MIA2: variants seen among roughly 807,000 people sequenced by gnomAD.
MIA2 encodes melanoma inhibitory activity protein 2.
MIA2 carries 127 observed loss-of-function variants against 167.8 expected under a neutral mutation model. The observed-to-expected ratio is 0.76, with a 90% CI of 0.66 to 0.88. The LOEUF (loss-of-function observed/expected upper bound fraction) is 0.88. MIA2 is among the 40% of genes least tolerant of loss of function. The probability of loss-of-function intolerance (pLI) is 0.00; values close to 1 mark genes in which losing one functional copy is unlikely to be tolerated. For missense variants in MIA2, 1,690 were observed against 1,624.7 expected (o/e 1.04, Z -0.69); for synonymous variants, 552 against 541.9 (o/e 1.02, Z -0.26).
chr14:39,333,010 G>A (rs532703287), intron 25 of MIA2, among the ~76,000 whole-genome samples: 11 of 151,852 alleles, frequency 7.2e-5, no homozygotes, highest in African/African-American at 2.7e-4. Context: ...TTACCATTTG[G>A]TTCCTTTTTA....
At chr14:39,356,454 A>G (rs957718775) in intron 23 of MIA2, among the ~76,000 whole-genome samples, 1 of 151,776 alleles carries the variant, frequency 6.6e-6, no homozygotes, top group African/African-American at 2.4e-5. Context: ...TTTCTTCTTT[A>G]TTAGTCTTGC....
At chr14:39,241,561 C>T (rs947972141) in intron 3 of MIA2, among the ~76,000 whole-genome samples, 4 of 152,196 alleles carry the variant, frequency 2.6e-5, no homozygotes, top group African/African-American at 9.6e-5. Flanking sequence ...CTCAAGCAAT[C>T]CTCCCGCCTC....
At chr14:39,308,768 T>G (rs745914521) in intron 18 of MIA2, among the ~76,000 whole-genome samples, 181 bp downstream of exon 18, 6 of 152,170 alleles carry the variant, frequency 3.9e-5, no homozygotes, top group Non-Finnish European at 8.8e-5. Flanking sequence ...AAGAAAATAT[T>G]GTAAGTGATG....
chr14:39,321,996 C>G (rs1191470891), intron 24 of MIA2, among the ~76,000 whole-genome samples: 2 of 151,756 alleles, frequency 1.3e-5, no homozygotes, highest in Non-Finnish European at 2.9e-5. Flanking sequence ...AGGCTGGTCT[C>G]GAACTCCTGA....
At position 39,302,113 on chromosome 14, in the gene MIA2, T is replaced by G; in HGVS notation, c.2620-16T>G. On this transcript the variant is annotated splice_polypyrimidine_tract_variant and intron_variant, in intron 14 of 28. Transcript: ENST00000640607. The stretch of plus-strand genomic sequence containing the variant: ...GGCATTACCCTCTCTATTTTTCCCC[T>G]TTGTTCAATGTCAAGACTCTGACTG... 2 of 1,611,554 alleles carry G rather than the reference T, an allele frequency of 1.2e-6. No individual in the cohort carries two copies. Among genetic ancestry groups the G allele is most frequent in the Non-Finnish European group, 1.7e-6 (2 of 1,178,556 alleles).
At chr14:39,335,729 C>G (rs933817309) in intron 25 of MIA2, among the ~76,000 whole-genome samples, 1 of 152,136 alleles carries the variant, frequency 6.6e-6, no homozygotes, top group African/African-American at 2.4e-5. Context: ...GCATAGTACC[C>G]ACAGTTTTTC....
At chr14:39,258,054 T>C (rs2054902617) in intron 6 of MIA2, among the ~76,000 whole-genome samples, 1 of 152,194 alleles carries the variant, frequency 6.6e-6, no homozygotes. Flanking sequence ...ATCTAATGAT[T>C]ATGTGTCTTG....
At chr14:39,352,011 T>G (rs1836122517), downstream of MIA2, among the ~76,000 whole-genome samples, 2 of 152,172 alleles carry the variant, frequency 1.3e-5, no homozygotes, top group South Asian at 2.1e-4. Flanking sequence ...TTTTTTACCT[T>G]TTATTTTATT....
At chr14:39,327,604 T>C (rs187933307) in intron 25 of MIA2, among the ~76,000 whole-genome samples, 2 of 146,004 alleles carry the variant, frequency 1.4e-5, no homozygotes, top group East Asian at 4.6e-4. Context: ...TTTCTCCTAA[T>C]GCTATCCTCC....
At chr14:39,356,206 TATTA>T (rs781721286), downstream of MIA2, among the ~76,000 whole-genome samples, 2 of 152,206 alleles carry the variant, frequency 1.3e-5, no homozygotes, top group East Asian at 3.8e-4. Flanking sequence ...GTTGGTAAGC[TATTA>T]ATTATTGCCT....
chr14:39,275,992 G>T (rs1489065884), intron 6 of MIA2, among the ~76,000 whole-genome samples: 1 of 152,186 alleles, frequency 6.6e-6, no homozygotes, highest in African/African-American at 2.4e-5. Context: ...TAGGCAGAAA[G>T]GGCCTAAAAG....
intron 27 of MIA2, among the ~76,000 whole-genome samples, chr14:39,348,330 C>G (rs761848355): frequency 2.8e-4 from 42 of 152,118 alleles, no homozygotes; most frequent in Non-Finnish European, 1.0e-4. Flanking sequence ...TTTTAGTTCC[C>G]TCCCCATCCT....
At chr14:39,345,827 A>G in intron 25 of MIA2, 77 bp from the exon 26 acceptor site, 4 of 1,251,236 alleles carry the variant, frequency 3.2e-6, no homozygotes, top group Non-Finnish European at 4.5e-6. Context: ...TCAAAAGTGT[A>G]AGTTCAATAC....
chr14:39,253,082 G>T lies in MIA2; in HGVS notation c.1798G>T (p.Glu600Ter). The change falls in exon 6 of 29, where the codon GAG becomes TAG. Residue 600 changes from glutamate to a stop codon, truncating the protein, a stop_gained. Transcript: ENST00000640607. LOFTEE classifies it high-confidence loss of function. ...TTATAAATCAACAGAAGATGCTTCT[G>T]AGTTTCAGATTCTGAAATACTTATT... The part of the protein sequence containing the change: ...NYISQKEDAS[E>*]FQILKYLFQI... 1 of 1,592,678 alleles carries T rather than the reference G, an allele frequency of 6.3e-7. No homozygotes were observed. The highest frequency in any genetic ancestry group is 8.5e-7 in the Non-Finnish European group (1 of 1,170,080).
In MIA2 at chr14:39,247,235, T is replaced by G. The variant is rs1334615385; in HGVS notation, c.661T>G (p.Ser221Ala). The G allele has an allele frequency of 6.2e-7, 1 of 1,614,120 alleles. No individual in the cohort carries two copies. Among genetic ancestry groups the G allele is most frequent in the East Asian group, 2.2e-5 (1 of 44,870 alleles). The change falls in exon 4 of 29, where the codon TCT (serine) becomes GCT (alanine). Residue 221 changes from serine to alanine, a missense_variant. Transcript: ENST00000640607. ...GCATGTCCCACCATCTTCAGCTGTG[T>G]CTGGAGTCAAAGAATGGTTTGGATT... Reference protein sequence around the residue: ...EVHVPPSSAVSGVKEWFGLGG... With the variant: ...EVHVPPSSAVAGVKEWFGLGG...
downstream of MIA2, among the ~76,000 whole-genome samples, chr14:39,352,782 CAG>C (rs2074424001): frequency 6.6e-6 from 1 of 152,086 alleles, no homozygotes; most frequent in African/African-American, 2.4e-5. Flanking sequence ...ATGTTGTACA[CAG>C]AATGATATTT....
In MIA2 at chr14:39,304,843, T is replaced by A. The variant is rs192147763; in HGVS notation, c.2878+462T>A. Among the ~76,000 whole-genome samples the A allele has an allele frequency of 7.4e-4, 112 of 152,292 alleles. No homozygotes were observed. In the East Asian group the frequency reaches 0.019, roughly 25 times the overall value. On this transcript the variant is annotated intron_variant, in intron 17 of 28. Coordinates refer to ENST00000640607, the MANE Select transcript of MIA2 (RefSeq NM_001329214.4). ...AGACCTGTAGAAATGAAGGTGTTGT[T>A]TTAATTGAAAACATTTATGTTTATT...
At chr14:39,376,653 G>A (rs1288158376) in intron 23 of MIA2, among the ~76,000 whole-genome samples, 1 of 152,200 alleles carries the variant, frequency 6.6e-6, no homozygotes, top group Non-Finnish European at 1.5e-5. Context: ...ATCTCAATCA[G>A]TTTAGAAGTT....
At chr14:39,255,128 C>G (rs1337355212) in intron 6 of MIA2, among the ~76,000 whole-genome samples, 1 of 152,134 alleles carries the variant, frequency 6.6e-6, no homozygotes, top group Non-Finnish European at 1.5e-5. Flanking sequence ...AGAGAGTTGA[C>G]ATTACATGAT....
Sources: gnomAD v4.1 joint callset for allele counts (sites outside exome capture counted in the v4.1 genomes callset) on GRCh38, gnomAD v4.1.1 for gene constraint, MANE v1.5 for transcripts, NCBI Gene and HGNC (gene_info 2026-07-23, HGNC 2026-07-21) for gene names.